The following CSMD2 variants were observed in gnomAD, a reference collection of about 807,000 sequenced individuals.
CSMD2 encodes CUB and sushi domain-containing protein 2.
A neutral mutation model predicts 398.5 loss-of-function variants in CSMD2; 130 were observed. The ratio of observed to expected loss-of-function variants is 0.33; its 90% CI spans 0.28 to 0.38. The LOEUF (loss-of-function observed/expected upper bound fraction) is 0.38. Ranked by LOEUF, CSMD2 falls within the 10% of genes least tolerant of loss-of-function variation. The pLI, the probability that CSMD2 is intolerant of heterozygous loss-of-function variation, is 1.00. For synonymous variants in CSMD2, 1,828 were observed against 1,908.5 expected (o/e 0.96, Z 1.10); for missense variants, 3,829 against 4,764.9 (o/e 0.80, Z 5.78).
rs147753247 is a variant in CSMD2 at position 34,148,036 on chromosome 1, AG to A, written c.187+16874del. Among the ~76,000 whole-genome samples the A allele has an allele frequency of 6.4e-3, 973 of 152,270 alleles. 9 individuals are homozygous for A. The highest frequency in any genetic ancestry group is 0.021 in the African/African-American group (893 of 41,550). Reference sequence around the variant, plus strand: ...AGAGGGAGGGGCCCACAAGGGCTGGAGCAAGAGTAAAGAGAGGCACAGCATT... The same window carrying A: ...AGAGGGAGGGGCCCACAAGGGCTGGACAAGAGTAAAGAGAGGCACAGCATT... On this transcript the variant is annotated intron_variant, in intron 1 of 70. Transcript: ENST00000373381.
At chr1:33,562,077 C>A (rs551422165) in intron 53 of CSMD2, among the ~76,000 whole-genome samples, 1 of 152,158 alleles carries the variant, frequency 6.6e-6, no homozygotes, top group Admixed American at 6.5e-5. Flanking sequence ...AAAAGCTCTA[C>A]AGGAGGGGGT....
chr1:33,979,561 A>G (rs74068668), intron 3 of CSMD2, among the ~76,000 whole-genome samples: 8,724 of 152,256 alleles, frequency 0.057, 849 homozygotes, highest in African/African-American at 0.2. Context: ...TTTGAGAAAC[A>G]GACTGGTAAC....
chr1:33,679,199 G>GTTTTTTTTTTTTTTTTTTTT (rs58284803), intron 25 of CSMD2, among the ~76,000 whole-genome samples: 1 of 84,216 alleles, frequency 1.2e-5, no homozygotes, highest in Non-Finnish European at 2.5e-5. Flanking sequence ...AATTGCAGTT[G>GTTTTTTTTTTTTTTTTTTTT]TTTTTTTTTT....
In CSMD2 at chr1:33,537,041, T is replaced by C. The variant is rs1220443033; in HGVS notation, c.9860A>G (p.Asn3287Ser). 1 of 1,614,198 alleles carries C rather than the reference T, an allele frequency of 6.2e-7. No homozygotes were observed. Among genetic ancestry groups the C allele is most frequent in the East Asian group, 2.2e-5 (1 of 44,882 alleles). The change falls in exon 62 of 71, where the codon AAC (asparagine) becomes AGC (serine). Residue 3287 changes from asparagine to serine, a missense_variant. Physicochemically the swap from Asn to Ser is conservative, Grantham distance 46. Around this residue, in one of 5 missense-constraint regions of CSMD2, gnomAD observed 917 missense variants for 1,199.5 expected, o/e 0.76. Coordinates refer to ENST00000373381, the MANE Select transcript of CSMD2 (RefSeq NM_001281956.2). The surrounding 1 kb of genome is among the most constrained non-coding windows in gnomAD (Gnocchi z 4.6). ...CCTTACCTGGTAGCCCTGAGAATTG[T>C]TCTGTATCCCAAACTGTGGCACACC... ...DPGVPQFGIQ[N>S]NSQGYQVGST...
intron 1 of CSMD2, among the ~76,000 whole-genome samples, chr1:34,151,151 C>T (rs1293444324): frequency 6.6e-6 from 1 of 152,180 alleles, no homozygotes; most frequent in African/African-American, 2.4e-5. Context: ...AGTCTTCCTT[C>T]TTCCCCTCTC....
intron 43 of CSMD2, 103 bp from the exon 44 acceptor site, chr1:33,601,113 A>G (rs1469606394): frequency 3.7e-5 from 55 of 1,472,646 alleles, no homozygotes; most frequent in Non-Finnish European, 4.8e-5. Context: ...GTGGGAGGCT[A>G]TGATTCTTTT....
At chr1:33,563,495 A>G (rs1488730325) in intron 53 of CSMD2, among the ~76,000 whole-genome samples, 6 of 152,140 alleles carry the variant, frequency 3.9e-5, no homozygotes, top group Admixed American at 3.9e-4. Context: ...TCATCTCTGC[A>G]GAATAGAAAG....
intron 21 of CSMD2, among the ~76,000 whole-genome samples, chr1:33,713,752 G>T (rs72662080): frequency 2.0e-5 from 3 of 152,084 alleles, no homozygotes; most frequent in African/African-American, 7.2e-5. Context: ...GCATGCTCAT[G>T]GTTTGGGTCT....
intron 3 of CSMD2, among the ~76,000 whole-genome samples, chr1:33,963,423 CAACA>C (rs1269820249): frequency 2.0e-5 from 3 of 152,164 alleles, no homozygotes; most frequent in African/African-American, 7.2e-5. Flanking sequence ...TTTATTTTAA[CAACA>C]AATATTTAAA....
At chr1:34,160,321 GA>G (rs1399755246) in intron 1 of CSMD2, among the ~76,000 whole-genome samples, 1 of 152,182 alleles carries the variant, frequency 6.6e-6, no homozygotes, top group Non-Finnish European at 1.5e-5. Context: ...ATTGCAAATG[GA>G]AATTCAAATT....
intron 4 of CSMD2, among the ~76,000 whole-genome samples, chr1:33,925,790 T>C (rs1027339466): frequency 1.3e-5 from 2 of 152,072 alleles, no homozygotes; most frequent in Admixed American, 1.3e-4. Flanking sequence ...CCTTGCCTCA[T>C]GCCAGTCTCT....
chr1:33,755,204 T>A (rs988621443), intron 13 of CSMD2, among the ~76,000 whole-genome samples: 1 of 152,140 alleles, frequency 6.6e-6, no homozygotes, highest in African/African-American at 2.4e-5. Flanking sequence ...GATTCAGCTA[T>A]TGTTGAGCTG....
At chr1:33,999,162 A>G (rs924946452) in intron 3 of CSMD2, among the ~76,000 whole-genome samples, 1 of 152,182 alleles carries the variant, frequency 6.6e-6, no homozygotes, top group Non-Finnish European at 1.5e-5. Flanking sequence ...GAAAAGCTGC[A>G]TAGAAATCCT....
intron 4 of CSMD2, among the ~76,000 whole-genome samples, chr1:33,922,989 A>G (rs1332582193): frequency 2.0e-5 from 3 of 152,174 alleles, no homozygotes; most frequent in African/African-American, 7.2e-5. Context: ...TGATATATGT[A>G]TGTATTGTGG....
At chr1:34,142,027 G>A (rs1639341765) in intron 1 of CSMD2, among the ~76,000 whole-genome samples, 1 of 152,134 alleles carries the variant, frequency 6.6e-6, no homozygotes, top group Non-Finnish European at 1.5e-5. Context: ...CTGCTCTGAT[G>A]TGCCTCCCTC....
intron 19 of CSMD2, among the ~76,000 whole-genome samples, chr1:33,718,607 C>T (rs1646252977): frequency 2.0e-5 from 3 of 152,190 alleles, no homozygotes; most frequent in Admixed American, 2.0e-4. Flanking sequence ...GCAGTGTGGT[C>T]AGCACTGGGG....
In CSMD2 at chr1:33,663,042, A is replaced by G; in HGVS notation, c.4103T>C (p.Ile1368Thr). Reference sequence around the variant, plus strand: ...CCCGCTCTCCACAGGCCCATCCCAGATGCGCAGCACGTCGTGAACCTCCTC... The same window carrying G: ...CCCGCTCTCCACAGGCCCATCCCAGGTGCGCAGCACGTCGTGAACCTCCTC... ...DTEEVHDVLRIWDGPVESGVL... is the reference protein window; with the variant it reads ...DTEEVHDVLRTWDGPVESGVL... The change falls in exon 26 of 71, where the codon ATC becomes ACC. Residue 1368 changes from isoleucine (I) to threonine (T), a missense_variant. Coordinates refer to ENST00000373381, the MANE Select transcript of CSMD2 (RefSeq NM_001281956.2). The G allele has an allele frequency of 6.2e-7, 1 of 1,614,172 alleles. No individual in the cohort carries two copies.
At chr1:34,144,764 T>C (rs1192624026) in intron 1 of CSMD2, among the ~76,000 whole-genome samples, 1 of 152,110 alleles carries the variant, frequency 6.6e-6, no homozygotes, top group East Asian at 1.9e-4. Flanking sequence ...AGAGGAGAAA[T>C]TGGACAAGAA....
In CSMD2 at chr1:33,542,779, A is replaced by G; in HGVS notation, c.9218T>C (p.Leu3073Pro). Residue 3073 changes from leucine (L) to proline (P), a missense_variant, in exon 58 of 71, where the codon CTG becomes CCG. Coordinates refer to ENST00000373381, the MANE Select transcript of CSMD2 (RefSeq NM_001281956.2). The part of the protein sequence containing the change: ...ECREGYYATG[L>P]LSRHCSVNGT... Reference sequence around the variant, plus strand: ...ATTGACCGAGCAGTGACGGCTGAGCAGGCCTGTGGCGTAGTATCCTTCCCG... The same window carrying G: ...ATTGACCGAGCAGTGACGGCTGAGCGGGCCTGTGGCGTAGTATCCTTCCCG... 6.2e-7 allele frequency: 1 copy of G among 1,614,168 alleles called. No individual in the cohort carries two copies. Among genetic ancestry groups the G allele is most frequent in the Non-Finnish European group, 8.5e-7 (1 of 1,180,016 alleles).
Sources: allele counts gnomAD v4.1 joint callset (sites outside exome capture counted in the v4.1 genomes callset), GRCh38; gene constraint gnomAD v4.1.1; regional missense constraint gnomAD v4.1.1; non-coding constraint Gnocchi (gnomAD v3.1); transcripts MANE v1.5; gene names NCBI Gene and HGNC (gene_info 2026-07-23, HGNC 2026-07-21).